Variants in GRIA2 observed in about 807,000 individuals in gnomAD.
GRIA2 encodes glutamate receptor 2.
In GRIA2, 14 loss-of-function variants were observed where a neutral mutation model predicts 97.3. That is an observed-to-expected ratio of 0.14 (90% confidence interval 0.10 to 0.23). GRIA2 has a LOEUF of 0.23. Ranked by LOEUF, GRIA2 falls within the 10% of genes least tolerant of loss-of-function variation. The probability of loss-of-function intolerance (pLI) is 1.00; values close to 1 mark genes in which losing one functional copy is unlikely to be tolerated. For missense variants in GRIA2, 558 were observed against 1,069.8 expected, an observed-to-expected ratio of 0.52 and a Z score of 6.67; for synonymous variants, 412 against 387.8, an observed-to-expected ratio of 1.06 and a Z score of -0.73.
chr4:157,317,150 G>A (rs906351902), intron 4 of GRIA2, among the ~76,000 whole-genome samples: 3 of 152,126 alleles, frequency 2.0e-5, no homozygotes, highest in African/African-American at 7.2e-5. Flanking sequence ...ATCCATGTAA[G>A]AATTCTTTTA....
At chr4:157,240,709 T>G (rs1730467720) in intron 2 of GRIA2, among the ~76,000 whole-genome samples, 1 of 152,098 alleles carries the variant, frequency 6.6e-6, no homozygotes, top group Admixed American at 6.6e-5. Context: ...TTTCTTTTTT[T>G]TTTTCTTTTA....
Position 157,227,976 on chromosome 4 carries a change from T to C in GRIA2, c.229+6169T>C, listed in dbSNP as rs79618788. Reference sequence around the variant, plus strand: ...AATGTGATTCTTACAATGCTGTTCATAAGATGTCTAACACCTATTATTTTT... The same window carrying C: ...AATGTGATTCTTACAATGCTGTTCACAAGATGTCTAACACCTATTATTTTT... On this transcript the variant is annotated intron_variant, in intron 2 of 15. Transcript: ENST00000264426. Among the ~76,000 whole-genome samples, 125 of 152,378 alleles carry C rather than the reference T, an allele frequency of 8.2e-4. 1 individual carries two copies. Among genetic ancestry groups the C allele is most frequent in the African/African-American group, 3.0e-3 (124 of 41,596 alleles).
At chr4:157,280,158 A>T (rs1019153437) in intron 2 of GRIA2, among the ~76,000 whole-genome samples, 1 of 152,134 alleles carries the variant, frequency 6.6e-6, no homozygotes, top group Non-Finnish European at 1.5e-5. Flanking sequence ...TGACTCACAT[A>T]AATAAGTACA....
intron 2 of GRIA2, among the ~76,000 whole-genome samples, chr4:157,280,546 C>A (rs944179378): frequency 6.6e-6 from 1 of 152,040 alleles, no homozygotes; most frequent in Non-Finnish European, 1.5e-5. Flanking sequence ...GTTTCTTCAA[C>A]TAGTGTTTCT....
In GRIA2 at chr4:157,231,046, T is replaced by G. The variant is rs139310308; in HGVS notation, c.229+9239T>G. On this transcript the variant is annotated intron_variant, in intron 2 of 15. Transcript: ENST00000264426. ...TTTTATTTTATTTTTTATTTTTATT[T>G]TTCATTTTTCTGAGATGGAGTCTCG... Among the ~76,000 whole-genome samples the G allele has an allele frequency of 4.6e-5, 7 of 151,890 alleles. No individual in the cohort carries two copies. The East Asian group carries it at 1.4e-3, about 30-fold the overall frequency.
chr4:157,298,431 A>G (rs887259610), intron 2 of GRIA2, among the ~76,000 whole-genome samples: 6 of 152,220 alleles, frequency 3.9e-5, no homozygotes, highest in African/African-American at 1.4e-4. Context: ...TTGCATATAA[A>G]TGATGGCAAT....
In GRIA2 at chr4:157,361,006, C is replaced by T; in HGVS notation, c.2292-4C>T. 1 of 1,594,176 alleles carries T rather than the reference C, an allele frequency of 6.3e-7. No homozygotes were observed. Among genetic ancestry groups the T allele is most frequent in the Non-Finnish European group, 8.6e-7 (1 of 1,162,220 alleles). On this transcript the variant is annotated splice_polypyrimidine_tract_variant and splice_region_variant and intron_variant, in intron 13 of 15. Transcript: ENST00000264426. This position sits in a 1 kb window ranked among gnomAD's most constrained non-coding sequence, Gnocchi z 5.2. ...GTCTGACAAGTATGTTTTATCGTTT[C>T]AAGAAATGCGGTTAACCTCGCAGTA...
intron 9 of GRIA2, chr4:157,334,781 C>CA (rs569529492): frequency 0.018 from 2,647 of 149,532 alleles, 43 homozygotes; most frequent in Non-Finnish European, 0.029. Flanking sequence ...TTTTCTTTTA[C>CA]AAAAAAAAAT....
intron 3 of GRIA2, among the ~76,000 whole-genome samples, chr4:157,309,386 C>T (rs1013680447): frequency 1.4e-5 from 2 of 142,388 alleles, no homozygotes; most frequent in East Asian, 4.1e-4. Context: ...GAGTCCCGCT[C>T]TGTCACCCAG....
At chr4:157,329,077 A>G (rs575494146) in intron 6 of GRIA2, among the ~76,000 whole-genome samples, 32 of 152,088 alleles carry the variant, frequency 2.1e-4, no homozygotes, top group Admixed American at 1.1e-3. Flanking sequence ...GGTAAACTGT[A>G]GTTGAATTTG....
intron 2 of GRIA2, among the ~76,000 whole-genome samples, chr4:157,242,345 A>G (rs1487126533): frequency 6.6e-6 from 1 of 152,038 alleles, no homozygotes; most frequent in African/African-American, 2.4e-5. Context: ...TTTATTGTTT[A>G]TTGTCAACTT....
chr4:157,359,119 G>A (rs1336963180), intron 12 of GRIA2, among the ~76,000 whole-genome samples: 5 of 152,086 alleles, frequency 3.3e-5, no homozygotes, highest in Non-Finnish European at 5.9e-5. Context: ...GTCTGAATAG[G>A]AAGTATTCAA....
At chr4:157,256,286 CAT>C (rs1207142039) in intron 2 of GRIA2, among the ~76,000 whole-genome samples, 39 of 108,540 alleles carry the variant, frequency 3.6e-4, no homozygotes, top group Admixed American at 1.3e-3. Flanking sequence ...TTATATATTA[CAT>C]ATATTATATA....
At chr4:157,302,735 G>A (rs1733669289) in intron 2 of GRIA2, among the ~76,000 whole-genome samples, 1 of 152,066 alleles carries the variant, frequency 6.6e-6, no homozygotes, top group Non-Finnish European at 1.5e-5. Flanking sequence ...TGAGTATATC[G>A]AGGTATTATA....
intron 12 of GRIA2, among the ~76,000 whole-genome samples, chr4:157,355,600 ATATTTATATATATT>A (rs1215998868): frequency 1.4e-3 from 143 of 102,598 alleles, no homozygotes; most frequent in East Asian, 3.0e-3. Flanking sequence ...ATTTATATAT[ATATTTATATATATT>A]TATTTATATA....
chr4:157,304,060 G>A (rs907402705), intron 3 of GRIA2, among the ~76,000 whole-genome samples: 5 of 152,240 alleles, frequency 3.3e-5, no homozygotes, highest in African/African-American at 1.2e-4. Flanking sequence ...AATATAAAAA[G>A]CAATTTTTTG....
chr4:157,220,675 C>T (rs1170078326), upstream of GRIA2: 25 of 230,446 alleles, frequency 1.1e-4, no homozygotes, highest in South Asian at 4.2e-4. Flanking sequence ...TGTGTGTGTG[C>T]GCGCGCGCGT....
In GRIA2 at chr4:157,332,871, G is replaced by T. The variant is rs777296512; in HGVS notation, c.935G>T (p.Arg312Leu). ...GTTCAAGTGATGACTGAAGCCTTCC[G>T]CAACCTAAGGAAGCAAAGAATTGAA... ...DAVQVMTEAF[R>L]NLRKQRIEIS... The change falls in exon 7 of 16, where the codon CGC becomes CTC. Residue 312 changes from arginine to leucine, a missense_variant. Physicochemically the swap from Arg to Leu is moderately radical, Grantham distance 102 (BLOSUM62 -2). This residue lies in a region of GRIA2 where 173 missense variants were observed against 209.1 expected (regional missense o/e 0.83). Transcript: ENST00000264426. 4.3e-6 allele frequency: 7 copies of T among 1,612,308 alleles called. No homozygotes were observed. Among genetic ancestry groups the T allele is most frequent in the Non-Finnish European group, 5.9e-6 (7 of 1,178,692 alleles).
chr4:157,340,486 T>G (rs1346558807), intron 11 of GRIA2, among the ~76,000 whole-genome samples: 1 of 152,000 alleles, frequency 6.6e-6, no homozygotes. Flanking sequence ...GAATTTGTAG[T>G]CAGAAAAATA....
Sources: gnomAD v4.1 joint callset for allele counts (sites outside exome capture counted in the v4.1 genomes callset) on GRCh38, gnomAD v4.1.1 for gene constraint, gnomAD v4.1.1 regional missense constraint, Gnocchi (gnomAD v3.1) non-coding constraint, MANE v1.5 for transcripts, NCBI Gene and HGNC (gene_info 2026-07-23, HGNC 2026-07-21) for gene names.